The following UBP1 variants were observed in gnomAD, a reference collection of about 807,000 sequenced individuals.
The protein encoded by UBP1 is upstream-binding protein 1.
UBP1 carries 22 observed loss-of-function variants against 76.1 expected under a neutral mutation model. The observed-to-expected ratio is 0.29, with a 90% confidence interval of 0.21 to 0.41. The LOEUF (loss-of-function observed/expected upper bound fraction) is 0.41. Among genes scored for constraint, UBP1 ranks in the 10% least tolerant of loss-of-function variants. The probability of loss-of-function intolerance (pLI) is 1.00; values close to 1 mark genes in which losing one functional copy is unlikely to be tolerated. For missense variants in UBP1, 436 were observed against 668.1 expected, an observed-to-expected ratio of 0.65 and a Z score of 3.83; for synonymous variants, 224 against 237.1, an observed-to-expected ratio of 0.94 and a Z score of 0.51.
chr3:33,438,807 G>A (rs1414104306), intron 1 of UBP1, among the ~76,000 whole-genome samples: 3 of 152,132 alleles, frequency 2.0e-5, no homozygotes, highest in Non-Finnish European at 4.4e-5. Flanking sequence ...TAGAGCTGCA[G>A]TAAGATGTAT....
rs368309330 is a variant in UBP1 at position 33,388,853 on chromosome 3, C to T, written c.*1478G>A. 15 of 152,344 alleles carry T rather than the reference C, an allele frequency of 9.8e-5. No individual in the cohort carries two copies. In the South Asian group the frequency reaches 2.3e-3, roughly 23 times the overall value. The allele number at this position is 152,344 out of a possible 1,614,324, so 9.4% of individuals were successfully genotyped here. On this transcript the variant is annotated 3_prime_UTR_variant, in exon 16 of 16. Coordinates refer to ENST00000283629, the MANE Select transcript of UBP1 (RefSeq NM_014517.5). ...CATAAAATGTCAAAGCTTTTACTCACTGAAGTAGTTTGTCTTCTGGGAGAG... is the reference window on the plus strand; with the variant it reads ...CATAAAATGTCAAAGCTTTTACTCATTGAAGTAGTTTGTCTTCTGGGAGAG...
intron 2 of UBP1, 99 bp from the exon 3 acceptor site, chr3:33,416,933 A>AATGAT (rs2044743706): frequency 9.9e-7 from 1 of 1,010,034 alleles, no homozygotes; most frequent in African/African-American, 1.6e-5. Flanking sequence ...TACATTACAC[A>AATGAT]ATGATAGTTT....
rs372809431 is a variant in UBP1 at position 33,390,409 on chromosome 3, A to C, written c.1586-41T>G. The C allele has an allele frequency of 9.3e-6, 15 of 1,612,424 alleles. No individual in the cohort carries two copies. The African/African-American group carries it at 1.9e-4, about 20-fold the overall frequency. On this transcript the variant is annotated intron_variant, in intron 15 of 15. Coordinates refer to ENST00000283629, the MANE Select transcript of UBP1 (RefSeq NM_014517.5). ...AGACAGTATTTCTTCAGTCAGGCTT[A>C]GGAAATTAAGCCTATTAAATGGAAA...
rs553209132 is a variant in UBP1, at chr3:33,401,060, CAT to C, written c.1032-46_1032-45del. On this transcript the variant is annotated intron_variant, in intron 9 of 15. Transcript: ENST00000283629. ...GAAGGAAATGATGATTTTTATAATA[CAT>C]ATATGTTTTAATCAAGGCATTAAAA... The C allele has an allele frequency of 1.2e-5, 19 of 1,535,248 alleles. No homozygotes were observed. In the East Asian group the frequency reaches 2.8e-4, roughly 23 times the overall value.
chr3:33,412,186 CAAAA>C (rs1227146812), intron 4 of UBP1, among the ~76,000 whole-genome samples: 6 of 63,454 alleles, frequency 9.5e-5, no homozygotes, highest in African/African-American at 2.6e-4. Context: ...AACTCCGTCT[CAAAA>C]AAAAAAAAAA....
chr3:33,409,793 T>C (rs1164022105), intron 5 of UBP1, among the ~76,000 whole-genome samples, 192 bp from the exon 6 acceptor site: 3 of 152,240 alleles, frequency 2.0e-5, no homozygotes, highest in Non-Finnish European at 1.5e-5. Context: ...CAAATCCAAC[T>C]GAGCCTCTCC....
Position 33,409,609 on chromosome 3 carries a change from A to G in UBP1, c.556-8T>C. Reference sequence around the variant, plus strand: ...TGTGCTGATGCAGTGTACCTATAAAACGATTCAGGCTGAAATGGATTCAAA... The same window carrying G: ...TGTGCTGATGCAGTGTACCTATAAAGCGATTCAGGCTGAAATGGATTCAAA... On this transcript the variant is annotated splice_region_variant and splice_polypyrimidine_tract_variant and intron_variant, in intron 5 of 15. Coordinates refer to ENST00000283629, the MANE Select transcript of UBP1 (RefSeq NM_014517.5). 6.2e-7 allele frequency: 1 copy of G among 1,614,110 alleles called. No homozygotes were observed. The highest frequency in any genetic ancestry group is 8.5e-7 in the Non-Finnish European group (1 of 1,180,002).
chr3:33,394,337 C>T lies in UBP1; in HGVS notation c.1391-883G>A, dbSNP rs569115612. On this transcript the variant is annotated intron_variant, in intron 13 of 15. Coordinates refer to ENST00000283629, the MANE Select transcript of UBP1 (RefSeq NM_014517.5). ...CTGGGATTACAGGCGTGAGCCAGCACGCCCAGTTAAGCATTATAGTTTTTG... is the reference window on the plus strand; with the variant it reads ...CTGGGATTACAGGCGTGAGCCAGCATGCCCAGTTAAGCATTATAGTTTTTG... Among the ~76,000 whole-genome samples the T allele has an allele frequency of 7.2e-5, 11 of 152,056 alleles. No homozygotes were observed. The East Asian group carries it at 1.9e-3, about 27-fold the overall frequency.
chr3:33,393,508 T>C (rs1263954308), intron 13 of UBP1, 54 bp from the exon 14 acceptor site: 1 of 1,552,142 alleles, frequency 6.4e-7, no homozygotes, highest in Admixed American at 2.0e-5. Context: ...TTTGATCTGT[T>C]TTCTGCCTGA....
chr3:33,399,445 G>A (rs2044137913), intron 11 of UBP1, among the ~76,000 whole-genome samples: 1 of 152,048 alleles, frequency 6.6e-6, no homozygotes, highest in Non-Finnish European at 1.5e-5. Context: ...AACTGTAATT[G>A]AGTACACTCA....
rs914161110 is a variant in UBP1, at chr3:33,439,918, G to A, written c.-70C>T. Reference sequence around the variant, plus strand: ...AGGGCGAAGGAGCCGGAGCTCCGCTGGCGCGTCCTGGGGGAGGGCGCGGGT... The same window carrying A: ...AGGGCGAAGGAGCCGGAGCTCCGCTAGCGCGTCCTGGGGGAGGGCGCGGGT... On this transcript the variant is annotated 5_prime_UTR_variant, in exon 1 of 16. Coordinates refer to ENST00000283629, the MANE Select transcript of UBP1 (RefSeq NM_014517.5). 10 of 1,566,326 alleles carry A rather than the reference G, an allele frequency of 6.4e-6. No individual in the cohort carries two copies. The highest frequency in any genetic ancestry group is 1.7e-5 in the Admixed American group (1 of 57,344).
At chr3:33,390,652 C>T (rs2043724702) in intron 15 of UBP1, 1 of 486,694 alleles carries the variant, frequency 2.1e-6, no homozygotes, top group African/African-American at 1.9e-5. Flanking sequence ...TATCAAGACA[C>T]ACAATAATAG....
intron 2 of UBP1, among the ~76,000 whole-genome samples, chr3:33,417,487 C>A (rs2044759913): frequency 6.6e-6 from 1 of 152,180 alleles, no homozygotes; most frequent in Non-Finnish European, 1.5e-5. Context: ...AAATAATATT[C>A]ATTCCTTTTT....
intron 5 of UBP1, among the ~76,000 whole-genome samples, chr3:33,410,697 A>G (rs2044559087): frequency 6.6e-6 from 1 of 152,182 alleles, no homozygotes; most frequent in Non-Finnish European, 1.5e-5. Context: ...CAGAATAATG[A>G]TATTATAGTT....
intron 3 of UBP1, chr3:33,414,087 T>C (rs1358567464): frequency 7.8e-6 from 1 of 128,400 alleles, no homozygotes; most frequent in Non-Finnish European, 1.6e-5. Context: ...AAGGTTGGAC[T>C]AAAATACTAA....
In UBP1 at chr3:33,390,330, A is replaced by G; in HGVS notation, c.*1T>C. 6.2e-7 allele frequency: 1 copy of G among 1,614,056 alleles called. No individual in the cohort carries two copies. Among genetic ancestry groups the G allele is most frequent in the Non-Finnish European group, 8.5e-7 (1 of 1,179,868 alleles). ...GAATACAGTTCAGTCTATATAAGAC[A>G]TCACTTCAAAATTATGTGGATGCCA... On this transcript the variant is annotated 3_prime_UTR_variant, in exon 16 of 16. Transcript: ENST00000283629.
intron 1 of UBP1, among the ~76,000 whole-genome samples, chr3:33,425,970 T>G (rs1216735120): frequency 7.7e-6 from 1 of 129,868 alleles, no homozygotes. Flanking sequence ...GGGTGGGAAG[T>G]GGGGGAGGGC....
At chr3:33,393,723 G>A (rs1349712493) in intron 13 of UBP1, among the ~76,000 whole-genome samples, 1 of 152,064 alleles carries the variant, frequency 6.6e-6, no homozygotes, top group African/African-American at 2.4e-5. Flanking sequence ...AAGATTTGAG[G>A]TTTGAATTTT....
At position 33,400,212 on chromosome 3, in the gene UBP1, G is replaced by T. The variant is rs1256444980; in HGVS notation, c.1157C>A (p.Thr386Lys). The T allele has an allele frequency of 6.2e-7, 1 of 1,601,418 alleles. No homozygotes were observed. Among genetic ancestry groups the T allele is most frequent in the Non-Finnish European group, 8.5e-7 (1 of 1,176,014 alleles). The change falls in exon 11 of 16, where the codon ACA (threonine) becomes AAA (lysine). Residue 386 changes from threonine to lysine, a missense_variant. Thr to Lys is a moderately conservative substitution (Grantham distance 78). This residue lies in a region of UBP1 where 210 missense variants were observed against 272.8 expected (regional missense o/e 0.77). Transcript: ENST00000283629. ...ACCTGAAAAATTAGAGAACAGTCTT[G>T]TGTAGGAAGAGAATCTGTTTTTGAG... ...WLLKNRFSSY[T>K]RLFSNFSGAD... is the part of the protein sequence containing the mutation.
Sources: allele counts gnomAD v4.1 joint callset (sites outside exome capture counted in the v4.1 genomes callset), GRCh38; gene constraint gnomAD v4.1.1; regional missense constraint gnomAD v4.1.1; transcripts MANE v1.5; gene names NCBI Gene and HGNC (gene_info 2026-07-23, HGNC 2026-07-21).